Variants in SPMIP7 observed in about 807,000 individuals in gnomAD.
The protein encoded by SPMIP7 is protein SPMIP7.
chr7:50,146,798 TC>T, the SPMIP7 span, among the ~76,000 whole-genome samples: 1 of 152,204 alleles, frequency 6.6e-6, no homozygotes, highest in Non-Finnish European at 1.5e-5. Context: ...CACTTTCTGC[TC>T]CCCTTGCCCA....
chr7:50,096,467 C>T, the SPMIP7 span: 1 of 1,551,704 alleles, frequency 6.4e-7, no homozygotes, highest in Non-Finnish European at 8.7e-7. Flanking sequence ...CAGAACCATA[C>T]CAACCCTAGT....
At chr7:50,106,613 T>C in the SPMIP7 span, among the ~76,000 whole-genome samples, 1 of 152,174 alleles carries the variant, frequency 6.6e-6, no homozygotes, top group South Asian at 2.1e-4. Context: ...TAAAGTGTAA[T>C]GTTCATCACA....
At chr7:50,107,379 AAAAAAAG>A in the SPMIP7 span, among the ~76,000 whole-genome samples, 2 of 71,032 alleles carry the variant, frequency 2.8e-5, 1 homozygote, top group African/African-American at 1.0e-4. Context: ...AAAAAAAAAA[AAAAAAAG>A]AAAAGAAAAG....
chr7:50,121,162 T>C, the SPMIP7 span: 2 of 152,152 alleles, frequency 1.3e-5, no homozygotes, highest in Non-Finnish European at 2.9e-5. Context: ...GAATTGTGAA[T>C]TTATATAGAG....
At chr7:50,152,014 A>G in the SPMIP7 span, among the ~76,000 whole-genome samples, 1 of 152,198 alleles carries the variant, frequency 6.6e-6, no homozygotes, top group Non-Finnish European at 1.5e-5. Flanking sequence ...ATTCTGTTGA[A>G]AGTCACATAT....
chr7:50,114,246 T>A, the SPMIP7 span, among the ~76,000 whole-genome samples: 1 of 152,084 alleles, frequency 6.6e-6, no homozygotes. Context: ...TATGGGTAAA[T>A]ATAAAATACT....
the SPMIP7 span, chr7:50,151,503 C>T: frequency 6.4e-7 from 1 of 1,551,660 alleles, no homozygotes; most frequent in Admixed American, 2.0e-5. Flanking sequence ...GCCACCCACC[C>T]AGCAAATTCT....
chr7:50,150,412 G>A, the SPMIP7 span, among the ~76,000 whole-genome samples: 1 of 152,180 alleles, frequency 6.6e-6, no homozygotes, highest in Non-Finnish European at 1.5e-5. Context: ...AGTTCATGAT[G>A]GTGGCCTTTC....
the SPMIP7 span, among the ~76,000 whole-genome samples, chr7:50,116,437 G>T: frequency 6.6e-6 from 1 of 152,170 alleles, no homozygotes; most frequent in Non-Finnish European, 1.5e-5. Flanking sequence ...AACATTATTG[G>T]AAATGCATTT....
At chr7:50,150,999 G>A in the SPMIP7 span, among the ~76,000 whole-genome samples, 1 of 152,216 alleles carries the variant, frequency 6.6e-6, no homozygotes, top group Non-Finnish European at 1.5e-5. Context: ...CATTAATGGT[G>A]ATAAGAAAGA....
the SPMIP7 span, among the ~76,000 whole-genome samples, chr7:50,122,246 C>T: frequency 6.6e-6 from 1 of 151,992 alleles, no homozygotes; most frequent in Non-Finnish European, 1.5e-5. Flanking sequence ...TATAAGAGCC[C>T]TCAGAAATAA....
chr7:50,130,168 C>T, the SPMIP7 span, among the ~76,000 whole-genome samples: 1 of 152,078 alleles, frequency 6.6e-6, no homozygotes, highest in Non-Finnish European at 1.5e-5. Flanking sequence ...AGTGAGTAGG[C>T]AAAGATCTCT....
chr7:50,105,565 A>G, the SPMIP7 span, among the ~76,000 whole-genome samples: 3 of 152,188 alleles, frequency 2.0e-5, no homozygotes, highest in Non-Finnish European at 4.4e-5. Flanking sequence ...GTACTATGGT[A>G]CCTGGCCATG....
chr7:50,138,741 G>T, the SPMIP7 span, among the ~76,000 whole-genome samples: 1 of 149,376 alleles, frequency 6.7e-6, no homozygotes. Flanking sequence ...AATAAAAGCA[G>T]TATAAAGTGA....
At chr7:50,111,159 G>T in the SPMIP7 span, among the ~76,000 whole-genome samples, 118 of 149,976 alleles carry the variant, frequency 7.9e-4, no homozygotes, top group African/African-American at 2.8e-3. Context: ...GTCATTGTCT[G>T]GGGTAATACC....
chr7:50,139,373 AG>A, the SPMIP7 span, among the ~76,000 whole-genome samples: 1 of 151,914 alleles, frequency 6.6e-6, no homozygotes, highest in African/African-American at 2.4e-5. Context: ...AGAAAAAAAA[AG>A]ATTCTTGTTC....
At chr7:50,115,436 A>G in the SPMIP7 span, among the ~76,000 whole-genome samples, 2 of 152,204 alleles carry the variant, frequency 1.3e-5, no homozygotes, top group African/African-American at 4.8e-5. Context: ...TATGAAAACT[A>G]TTATGAACTA....
the SPMIP7 span, among the ~76,000 whole-genome samples, chr7:50,128,136 A>G: frequency 6.6e-6 from 1 of 152,040 alleles, no homozygotes; most frequent in Non-Finnish European, 1.5e-5. Flanking sequence ...TTAAGCCATA[A>G]AAGAGAATAA....
At chr7:50,151,646 A>C in the SPMIP7 span, 1 of 848,958 alleles carries the variant, frequency 1.2e-6, no homozygotes, top group Non-Finnish European at 1.7e-6. Flanking sequence ...ACAATTAAAT[A>C]GTAAAAGCAA....
Sources: allele counts gnomAD v4.1 joint callset (sites outside exome capture counted in the v4.1 genomes callset), GRCh38; gene constraint gnomAD v4.1.1; transcripts MANE v1.5; gene names NCBI Gene and HGNC (gene_info 2026-07-23, HGNC 2026-07-21).